The following LAMB4 variants were observed in gnomAD, a reference collection of about 807,000 sequenced individuals.
The protein encoded by LAMB4 is laminin subunit beta-4.
LAMB4 carries 196 observed loss-of-function variants against 199.2 expected under a neutral mutation model. That is an observed-to-expected ratio of 0.98 (90% confidence interval 0.88 to 1.11). The LOEUF (loss-of-function observed/expected upper bound fraction) is 1.11, where lower values mean the gene tolerates loss of function less well. Among genes scored for constraint, LAMB4 ranks in the 50% least tolerant of loss-of-function variants. The probability of loss-of-function intolerance (pLI) is 0.00; values close to 1 mark genes in which losing one functional copy is unlikely to be tolerated. For missense variants in LAMB4, 2,080 were observed against 2,171.2 expected (o/e 0.96, Z 0.83); for synonymous variants, 744 against 770.6 (o/e 0.97, Z 0.57).
intron 17 of LAMB4, among the ~76,000 whole-genome samples, chr7:108,074,229 C>G (rs760552527): frequency 6.6e-6 from 1 of 152,314 alleles, no homozygotes; most frequent in South Asian, 2.1e-4. Context: ...TGACCTAAAA[C>G]AGGTCTGGGC....
chr7:108,032,695 C>CGTGTGTGTGTGT (rs3050225), intron 31 of LAMB4, among the ~76,000 whole-genome samples: 6 of 144,534 alleles, frequency 4.2e-5, no homozygotes, highest in Non-Finnish European at 7.7e-5. Flanking sequence ...TGTGTGTTTG[C>CGTGTGTGTGTGT]GTGTGTGTGT....
In LAMB4 at chr7:108,126,554, C is replaced by CTTTTTTTTTTTT. The variant is rs71137605; in HGVS notation, c.-33-3369_-33-3358dup. 1.6e-3 allele frequency among the ~76,000 whole-genome samples: 136 copies of CTTTTTTTTTTTT among 83,520 alleles called. 10 individuals carry two copies. The highest frequency in any genetic ancestry group is 1.8e-3 in the African/African-American group (36 of 19,834). 54.8% of individuals were successfully genotyped at this position (83,520 alleles called of 152,430 possible). ...TTGTAGGATGTGTCAGAATTTCTTT[C>CTTTTTTTTTTTT]TTTTTTTTTTTTTTTTTTTTTGAGA... is the stretch of plus-strand genomic sequence containing the variant. On this transcript the variant is annotated intron_variant, in intron 1 of 33. Transcript: ENST00000388781.
chr7:108,100,996 GT>G (rs577185654), intron 10 of LAMB4, among the ~76,000 whole-genome samples: 117 of 152,272 alleles, frequency 7.7e-4, no homozygotes, highest in African/African-American at 2.8e-3. Flanking sequence ...ATCACTTAAA[GT>G]TTGAAATCTA....
Position 108,062,798 on chromosome 7 carries a change from G to T in LAMB4, c.3258C>A (p.Thr1086=), listed in dbSNP as rs1197739664. 4 of 1,444,870 alleles carry T rather than the reference G, an allele frequency of 2.8e-6. No individual in the cohort carries two copies. Among genetic ancestry groups the T allele is most frequent in the Non-Finnish European group, 3.7e-6 (4 of 1,093,254 alleles). 89.5% of individuals were successfully genotyped at this position (1,444,870 alleles called of 1,614,324 possible). The change falls in exon 23 of 34, where the codon ACC becomes ACA. Residue 1086 remains threonine (T), a synonymous_variant. Transcript: ENST00000388781. Reference sequence around the variant, plus strand: ...CCTGGTCACAGTGGCTACTTTGAGAGGTCCTAGGGTCACAGTCACATGACT... The same window carrying T: ...CCTGGTCACAGTGGCTACTTTGAGATGTCCTAGGGTCACAGTCACATGACT... The part of the protein sequence containing the change: ...GCQSCDCDPR[T]SQSSHCDQLT...
chr7:108,027,022 C>T, intron 33 of LAMB4: 1 of 426,266 alleles, frequency 2.3e-6, no homozygotes, highest in Non-Finnish European at 4.5e-6. Context: ...ACTATAAAAG[C>T]TGTGGTCAAT....
At chr7:108,021,500 G>A (rs550048498), downstream of LAMB4, among the ~76,000 whole-genome samples, 10 of 152,176 alleles carry the variant, frequency 6.6e-5, no homozygotes, top group African/African-American at 1.7e-4. Flanking sequence ...ACCTGAGTTC[G>A]GGAGTTTGAG....
chr7:108,098,088 G>A, intron 11 of LAMB4, among the ~76,000 whole-genome samples: 1 of 152,030 alleles, frequency 6.6e-6, no homozygotes, highest in East Asian at 1.9e-4. Flanking sequence ...GCTTTAAAAC[G>A]CATAGGGGCC....
chr7:108,048,811 A>T (rs572387130), intron 27 of LAMB4, among the ~76,000 whole-genome samples: 9 of 151,880 alleles, frequency 5.9e-5, no homozygotes, highest in Admixed American at 2.6e-4. Context: ...TCCTGCCTCA[A>T]CCTCCTGAGC....
chr7:108,048,551 G>T (rs1435126955), intron 27 of LAMB4, among the ~76,000 whole-genome samples: 3 of 152,122 alleles, frequency 2.0e-5, no homozygotes, highest in Non-Finnish European at 4.4e-5. Context: ...GTACATGGGG[G>T]TAACCCATTA....
At position 108,111,843 on chromosome 7, in the gene LAMB4, T is replaced by C; in HGVS notation, c.296A>G (p.Asp99Gly). 1 of 1,612,694 alleles carries C rather than the reference T, an allele frequency of 6.2e-7. No homozygotes were observed. Among genetic ancestry groups the C allele is most frequent in the Non-Finnish European group, 8.5e-7 (1 of 1,179,442 alleles). ...AGATTGCCACCATTTCTTTTCTCTG[T>C]CTGGTTCAAAACTTACAATGACATT... ...IENVIVSFEPDREKKWWQSEN... is the reference protein window; with the variant it reads ...IENVIVSFEPGREKKWWQSEN... The change falls in exon 4 of 34, where the codon GAC becomes GGC. Residue 99 changes from aspartate (D) to glycine (G), a missense_variant. Coordinates refer to ENST00000388781, the MANE Select transcript of LAMB4 (RefSeq NM_007356.3).
intron 10 of LAMB4, among the ~76,000 whole-genome samples, chr7:108,101,111 C>T (rs1455145577): frequency 1.3e-5 from 2 of 151,994 alleles, no homozygotes; most frequent in Non-Finnish European, 2.9e-5. Flanking sequence ...TAGCAGCTTC[C>T]CTGCCCCCAC....
At chr7:108,107,930 C>A in intron 5 of LAMB4, 111 bp from the exon 6 acceptor site, 1 of 789,430 alleles carries the variant, frequency 1.3e-6, no homozygotes, top group East Asian at 2.9e-5. Flanking sequence ...TTAGGTGTAT[C>A]TTTTTGTTGT....
At chr7:108,018,941 A>G (rs2034636658), downstream of LAMB4, among the ~76,000 whole-genome samples, 2 of 152,160 alleles carry the variant, frequency 1.3e-5, no homozygotes, top group South Asian at 4.1e-4. Context: ...TTACTTGTAC[A>G]GTCAACCAGG....
rs1242233282 is a variant in LAMB4, at chr7:108,091,634, C to T, written c.1693G>A (p.Ala565Thr). 10 of 1,612,974 alleles carry T rather than the reference C, an allele frequency of 6.2e-6. No homozygotes were observed. Among genetic ancestry groups the T allele is most frequent in the Non-Finnish European group, 8.5e-7 (1 of 1,179,720 alleles). ...AEEATTLQGL[A>T]PLGSETFGQS... Reference sequence around the variant, plus strand: ...GTAAATGAAATACGAACCAAAGGCGCCAGTCCTTGGAGTGTTGTGGCTTCC... The same window carrying T: ...GTAAATGAAATACGAACCAAAGGCGTCAGTCCTTGGAGTGTTGTGGCTTCC... The change falls in exon 14 of 34, where the codon GCG becomes ACG. Residue 565 changes from alanine (A) to threonine (T), a missense_variant. By Grantham distance (58) the Ala-to-Thr change is moderately conservative. Coordinates refer to ENST00000388781, the MANE Select transcript of LAMB4 (RefSeq NM_007356.3).
chr7:108,018,868 T>C (rs568949557), downstream of LAMB4, among the ~76,000 whole-genome samples: 1 of 152,296 alleles, frequency 6.6e-6, no homozygotes, highest in East Asian at 1.9e-4. Flanking sequence ...CCTACCCATA[T>C]CTTTGTAAAT....
Position 108,068,093 on chromosome 7 carries a change from C to T in LAMB4, c.2369G>A (p.Cys790Tyr). ...GCAGCGCCCGACCACAAGAGGTTTACACTGGCACTGGCCTCCAAGTCGGCT... is the reference window on the plus strand; with the variant it reads ...GCAGCGCCCGACCACAAGAGGTTTATACTGGCACTGGCCTCCAAGTCGGCT... Reference protein sequence around the residue: ...SCSRLGGQCQCKPLVVGRCCD... With the variant: ...SCSRLGGQCQYKPLVVGRCCD... Residue 790 changes from cysteine to tyrosine, a missense_variant, in exon 19 of 34, where the codon TGT (cysteine) becomes TAT (tyrosine). Physicochemically the swap from Cys to Tyr is radical, Grantham distance 194. Coordinates refer to ENST00000388781, the MANE Select transcript of LAMB4 (RefSeq NM_007356.3). 1.2e-6 allele frequency: 2 copies of T among 1,614,180 alleles called. No homozygotes were observed. The highest frequency in any genetic ancestry group is 1.7e-6 in the Non-Finnish European group (2 of 1,180,028).
the LAMB4 span, among the ~76,000 whole-genome samples, chr7:108,011,828 T>A: frequency 5.9e-5 from 9 of 151,982 alleles, no homozygotes; most frequent in Non-Finnish European, 1.3e-4. Context: ...AAAATAAGGG[T>A]TGAAAAACAT....
chr7:108,100,820 C>A (rs2037789408), intron 10 of LAMB4, among the ~76,000 whole-genome samples: 1 of 152,128 alleles, frequency 6.6e-6, no homozygotes. Context: ...GTGGTAAAAA[C>A]TGTGTGGTAG....
At chr7:108,096,225 T>C (rs1041716253) in intron 11 of LAMB4, among the ~76,000 whole-genome samples, 3 of 152,240 alleles carry the variant, frequency 2.0e-5, no homozygotes, top group African/African-American at 7.2e-5. Flanking sequence ...TTGACTACTC[T>C]GGGTACCTCA....
Sources: allele counts gnomAD v4.1 joint callset (sites outside exome capture counted in the v4.1 genomes callset), GRCh38; gene constraint gnomAD v4.1.1; transcripts MANE v1.5; gene names NCBI Gene and HGNC (gene_info 2026-07-23, HGNC 2026-07-21).